POLN: variants seen among roughly 807,000 people sequenced by gnomAD.
POLN encodes DNA polymerase N.
A neutral mutation model predicts 113.5 loss-of-function variants in POLN; 108 were observed. The ratio of observed to expected loss-of-function variants is 0.95; its 90% CI spans 0.81 to 1.12. The LOEUF (loss-of-function observed/expected upper bound fraction) is 1.12. POLN is among the 50% of genes most tolerant of loss of function. The pLI is 0.00. For missense variants in POLN, 1,097 were observed against 1,077.1 expected (o/e 1.02, Z -0.26); for synonymous variants, 386 against 391.5 (o/e 0.99, Z 0.17).
intron 19 of POLN, among the ~76,000 whole-genome samples, chr4:2,111,133 C>T (rs1243732413): frequency 3.3e-5 from 5 of 152,156 alleles, no homozygotes; most frequent in African/African-American, 1.2e-4. Context: ...GAACCAAAGA[C>T]AAAAACCACA....
chr4:2,113,886 T>C (rs1731257248), intron 19 of POLN, among the ~76,000 whole-genome samples: 1 of 147,546 alleles, frequency 6.8e-6, no homozygotes, highest in Admixed American at 6.8e-5. Flanking sequence ...ATAATAATAA[T>C]AATAATAATA....
intron 19 of POLN, among the ~76,000 whole-genome samples, chr4:2,116,734 T>G (rs1195527619): frequency 6.6e-6 from 1 of 152,178 alleles, no homozygotes; most frequent in African/African-American, 2.4e-5. Flanking sequence ...ACGAAGGGAC[T>G]TTTCTGCACC....
intron 7 of POLN, among the ~76,000 whole-genome samples, chr4:2,182,338 T>A (rs1265765621): frequency 2.0e-5 from 3 of 152,070 alleles, no homozygotes; most frequent in Non-Finnish European, 4.4e-5. Flanking sequence ...ATGATGGGTG[T>A]CCTTATGAGA....
At position 2,081,959 on chromosome 4, in the gene POLN, T is replaced by C. The variant is rs553861964; in HGVS notation, c.2198-216A>G. 2.8e-4 allele frequency among the ~76,000 whole-genome samples: 41 copies of C among 144,172 alleles called. No individual in the cohort carries two copies. In the East Asian group the frequency reaches 7.8e-3, roughly 27 times the overall value. 94.6% of individuals were successfully genotyped at this position (144,172 alleles called of 152,430 possible). ...TGGGCACTCTGCACTTTTTTTTTTT[T>C]TTTTTTTTTTTTTGAGACAGAGTGA... On this transcript the variant is annotated intron_variant, in intron 21 of 25. Coordinates refer to ENST00000511885, the MANE Select transcript of POLN (RefSeq NM_181808.4).
chr4:2,215,353 C>T (rs1008817555), intron 3 of POLN, among the ~76,000 whole-genome samples: 6 of 152,142 alleles, frequency 3.9e-5, no homozygotes, highest in Non-Finnish European at 8.8e-5. Flanking sequence ...ACATAACACT[C>T]GGGTACCCTG....
At chr4:2,115,223 TA>T (rs1222770971) in intron 19 of POLN, among the ~76,000 whole-genome samples, 1 of 90,684 alleles carries the variant, frequency 1.1e-5, no homozygotes, top group African/African-American at 4.8e-5. Flanking sequence ...TATATATATA[TA>T]TATATTTTTT....
intron 19 of POLN, among the ~76,000 whole-genome samples, chr4:2,101,147 T>C (rs1043005882): frequency 2.7e-5 from 4 of 145,998 alleles, no homozygotes; most frequent in South Asian, 2.2e-4. Context: ...TGCCTAAACA[T>C]GAAAAAAAAA....
At chr4:2,165,735 CTG>C (rs1732713221) in intron 13 of POLN, among the ~76,000 whole-genome samples, 2 of 151,984 alleles carry the variant, frequency 1.3e-5, no homozygotes, top group Admixed American at 1.3e-4. Flanking sequence ...TGGGAACTCT[CTG>C]TACTTTCTGC....
chr4:2,091,229 A>G (rs1405132478), intron 20 of POLN, among the ~76,000 whole-genome samples: 2 of 152,250 alleles, frequency 1.3e-5, no homozygotes, highest in Non-Finnish European at 2.9e-5. Flanking sequence ...GGCCATAACC[A>G]GAAGTCATGC....
At chr4:2,077,433 G>A (rs572030217) in intron 23 of POLN, among the ~76,000 whole-genome samples, 1 of 152,284 alleles carries the variant, frequency 6.6e-6, no homozygotes, top group South Asian at 2.1e-4. Context: ...TCACACCCTC[G>A]AGCAGGCTGC....
chr4:2,231,786 G>A (rs1156895104), intron 2 of POLN: 1 of 558,788 alleles, frequency 1.8e-6, no homozygotes, highest in South Asian at 2.4e-5. Context: ...TGAGAAAAAA[G>A]ACAAATTAAT....
chr4:2,145,023 A>T (rs1397048541), intron 16 of POLN, among the ~76,000 whole-genome samples: 1 of 152,240 alleles, frequency 6.6e-6, no homozygotes, highest in Non-Finnish European at 1.5e-5. Flanking sequence ...CAAATGACAG[A>T]GGCATTACAA....
At chr4:2,157,722 CAAAAAA>C (rs71644319) in intron 15 of POLN, 130 bp downstream of exon 15, 447 of 134,552 alleles carry the variant, frequency 3.3e-3, no homozygotes, top group Middle Eastern at 7.6e-3. Flanking sequence ...GACTCTGTCT[CAAAAAA>C]AAAAAAAAAA....
chr4:2,197,741 T>C (rs1733616748), intron 6 of POLN, among the ~76,000 whole-genome samples: 1 of 152,180 alleles, frequency 6.6e-6, no homozygotes, highest in Non-Finnish European at 1.5e-5. Context: ...TCCCCAAAAG[T>C]TACCTAAAAT....
At chr4:2,188,773 T>C (rs545173661) in intron 7 of POLN, among the ~76,000 whole-genome samples, 2 of 152,240 alleles carry the variant, frequency 1.3e-5, no homozygotes, top group African/African-American at 4.8e-5. Context: ...AGTGTGAAGA[T>C]TAAAAGATAA....
chr4:2,130,713 A>G (rs1160438831), intron 17 of POLN, among the ~76,000 whole-genome samples: 2 of 152,128 alleles, frequency 1.3e-5, no homozygotes, highest in African/African-American at 2.4e-5. Flanking sequence ...TGCTTTCCTG[A>G]TATAATTATC....
At chr4:2,181,790 G>A (rs1040844588) in intron 7 of POLN, among the ~76,000 whole-genome samples, 9 of 152,102 alleles carry the variant, frequency 5.9e-5, no homozygotes, top group African/African-American at 2.2e-4. Context: ...CACGAGGTCA[G>A]GAGATTGAGC....
chr4:2,161,280 G>C (rs552005394), intron 13 of POLN, among the ~76,000 whole-genome samples: 1 of 152,224 alleles, frequency 6.6e-6, no homozygotes, highest in African/African-American at 2.4e-5. Flanking sequence ...GGAGAGGCAC[G>C]AGCGGGAACC....
At position 2,241,583 on chromosome 4, in the gene POLN, G is replaced by A. The variant is rs1229766573; in HGVS notation, c.-76C>T. The A allele has an allele frequency of 3.0e-6, 3 of 985,642 alleles. No individual in the cohort carries two copies. Among genetic ancestry groups the A allele is most frequent in the East Asian group, 1.1e-4 (1 of 8,844 alleles). The allele number at this position is 985,642 out of a possible 1,614,324, so 61.1% of individuals were successfully genotyped here. A position where few individuals can be genotyped will look rare whatever the true frequency, so the allele number is the denominator to read the frequency against. On this transcript the variant is annotated 5_prime_UTR_variant, in exon 2 of 26. Coordinates refer to ENST00000511885, the MANE Select transcript of POLN (RefSeq NM_181808.4). Reference sequence around the variant, plus strand: ...CACCACCGCGACGCGGAGAACAGCAGGAGCAGCAGGGAAGCGCGCGGCCAC... The same window carrying A: ...CACCACCGCGACGCGGAGAACAGCAAGAGCAGCAGGGAAGCGCGCGGCCAC...
Sources: gnomAD v4.1 joint callset for allele counts (sites outside exome capture counted in the v4.1 genomes callset) on GRCh38, gnomAD v4.1.1 for gene constraint, MANE v1.5 for transcripts, NCBI Gene and HGNC (gene_info 2026-07-23, HGNC 2026-07-21) for gene names.